The following BCL7C variants were observed in gnomAD, a reference collection of about 807,000 sequenced individuals.
The protein encoded by BCL7C is B-cell CLL/lymphoma 7 protein family member C.
In BCL7C, 8 loss-of-function variants were observed where a neutral mutation model predicts 26.2. That is an observed-to-expected ratio of 0.30 (90% confidence interval 0.18 to 0.55). The LOEUF (loss-of-function observed/expected upper bound fraction) is 0.55, where lower values mean the gene tolerates loss of function less well. Ranked by LOEUF, BCL7C falls within the 20% of genes least tolerant of loss-of-function variation. BCL7C has a pLI of 0.93. For missense variants in BCL7C, 262 were observed against 298.5 expected (o/e 0.88, Z 0.90); for synonymous variants, 90 against 116.5 (o/e 0.77, Z 1.47).
At chr16:30,859,764 C>G (rs375911135) in intron 5 of BCL7C, among the ~76,000 whole-genome samples, 17 of 152,348 alleles carry the variant, frequency 1.1e-4, no homozygotes, top group African/African-American at 4.1e-4. Flanking sequence ...ATAATCCCAC[C>G]ACCCTTTGCT....
In BCL7C at chr16:30,845,872, C is replaced by T. The variant is rs561784849; in HGVS notation, c.529-10724G>A. 3.3e-5 allele frequency among the ~76,000 whole-genome samples: 5 copies of T among 151,870 alleles called. No homozygotes were observed. In the East Asian group the frequency reaches 5.9e-4, roughly 18 times the overall value. ...CTATAATCCCAGCACTTTGGGAGGC[C>T]GAGACAGGCGGATCACAAGATCAGG... On this transcript the variant is annotated intron_variant, in intron 5 of 5. Coordinates refer to the BCL7C transcript ENST00000380317.
intron 5 of BCL7C, among the ~76,000 whole-genome samples, chr16:30,869,020 C>T (rs1009173782): frequency 1.3e-5 from 2 of 151,916 alleles, no homozygotes; most frequent in African/African-American, 4.8e-5. Flanking sequence ...GTTGGGATTA[C>T]AGGTGTGAGC....
chr16:30,886,114 A>G (rs1383237546), downstream of BCL7C, among the ~76,000 whole-genome samples: 1 of 152,210 alleles, frequency 6.6e-6, no homozygotes, highest in Non-Finnish European at 1.5e-5. Flanking sequence ...GCCTGGGATT[A>G]CAGGTGTGAG....
At chr16:30,853,550 T>G (rs895809141) in intron 5 of BCL7C, among the ~76,000 whole-genome samples, 1 of 152,124 alleles carries the variant, frequency 6.6e-6, no homozygotes, top group African/African-American at 2.4e-5. Flanking sequence ...TTCTTTCTTT[T>G]ATTTTAATCA....
chr16:30,892,974 A>C, intron 2 of BCL7C, 26 bp from the exon 3 acceptor site: 1 of 1,595,080 alleles, frequency 6.3e-7, no homozygotes, highest in Non-Finnish European at 8.6e-7. Context: ...TTAGGGTCAG[A>C]GCTCTTGGAA....
At chr16:30,853,624 A>G (rs956513947) in intron 5 of BCL7C, among the ~76,000 whole-genome samples, 2 of 152,238 alleles carry the variant, frequency 1.3e-5, no homozygotes, top group East Asian at 3.8e-4. Flanking sequence ...ACCGTTCAGT[A>G]TGGGGGTCCG....
At chr16:30,855,425 T>C (rs1452230051) in intron 5 of BCL7C, among the ~76,000 whole-genome samples, 1 of 151,938 alleles carries the variant, frequency 6.6e-6, no homozygotes, top group Non-Finnish European at 1.5e-5. Context: ...GTATTTTTCA[T>C]AGAGATGGGG....
intron 5 of BCL7C, among the ~76,000 whole-genome samples, chr16:30,856,895 C>T (rs112691371): frequency 0.068 from 10,329 of 152,244 alleles, 467 homozygotes; most frequent in Non-Finnish European, 0.11. Flanking sequence ...TATGTCAGAG[C>T]TTTGCTCTCT....
At chr16:30,862,921 C>G (rs2151373327) in intron 5 of BCL7C, among the ~76,000 whole-genome samples, 1 of 152,324 alleles carries the variant, frequency 6.6e-6, no homozygotes, top group East Asian at 1.9e-4. Flanking sequence ...CACACTAGCT[C>G]TCCCTAATTC....
chr16:30,887,757 C>T (rs764260811), downstream of BCL7C: 56 of 1,470,736 alleles, frequency 3.8e-5, no homozygotes, highest in Admixed American at 5.1e-5. Context: ...CTCCAAAGAC[C>T]CTCCCCAGCC....
chr16:30,845,415 A>G (rs1260664182), intron 5 of BCL7C, among the ~76,000 whole-genome samples: 1 of 152,168 alleles, frequency 6.6e-6, no homozygotes, highest in Non-Finnish European at 1.5e-5. Context: ...CTGACTCTCT[A>G]CAGTGCTTGA....
chr16:30,857,545 G>A (rs2054733677), intron 5 of BCL7C, among the ~76,000 whole-genome samples: 1 of 152,130 alleles, frequency 6.6e-6, no homozygotes, highest in South Asian at 2.1e-4. Context: ...GTTCTCACAG[G>A]TCTCTTAGTT....
rs778394196 is a variant in BCL7C, at chr16:30,893,187, C to T, written c.171+25G>A. On this transcript the variant is annotated intron_variant, in intron 2 of 5. Coordinates refer to ENST00000215115, the MANE Select transcript of BCL7C (RefSeq NM_004765.4). The surrounding 1 kb of genome is among the most constrained non-coding windows in gnomAD (Gnocchi z 5.2). Reference sequence around the variant, plus strand: ...TGCCTGAGGTTGCACAGATGCAGGGCCTTGTGGGAATGGGGGTTGCTCACC... The same window carrying T: ...TGCCTGAGGTTGCACAGATGCAGGGTCTTGTGGGAATGGGGGTTGCTCACC... 6 of 1,607,466 alleles carry T rather than the reference C, an allele frequency of 3.7e-6. No individual in the cohort carries two copies. The African/African-American group carries it at 6.7e-5, about 18-fold the overall frequency.
chr16:30,873,347 A>T (rs918515084), intron 5 of BCL7C, among the ~76,000 whole-genome samples: 1 of 152,204 alleles, frequency 6.6e-6, no homozygotes, highest in Non-Finnish European at 1.5e-5. Context: ...GTAGATTTGC[A>T]GTAGTCTAGA....
chr16:30,872,370 C>T (rs2054889154), intron 5 of BCL7C, among the ~76,000 whole-genome samples: 1 of 152,042 alleles, frequency 6.6e-6, no homozygotes, highest in South Asian at 2.1e-4. Context: ...TGGAATAGGG[C>T]AGAAGTCATG....
At chr16:30,886,310 G>A (rs1317471581), downstream of BCL7C, among the ~76,000 whole-genome samples, 2 of 152,176 alleles carry the variant, frequency 1.3e-5, no homozygotes, top group Non-Finnish European at 2.9e-5. Flanking sequence ...ATGAGGCCTA[G>A]TTATTGTTCC....
intron 4 of BCL7C, among the ~76,000 whole-genome samples, chr16:30,889,347 G>C (rs1471966915): frequency 1.3e-5 from 2 of 152,116 alleles, no homozygotes; most frequent in African/African-American, 2.4e-5. Context: ...GCGGATGCAG[G>C]TAAAGCACAG....
downstream of BCL7C, among the ~76,000 whole-genome samples, chr16:30,885,811 T>C (rs1490825442): frequency 1.3e-5 from 2 of 152,166 alleles, no homozygotes; most frequent in Non-Finnish European, 2.9e-5. Context: ...CAGCACTGGC[T>C]CCACCAACAC....
At chr16:30,839,466 A>C (rs1422038514) in intron 5 of BCL7C, among the ~76,000 whole-genome samples, 13 of 152,244 alleles carry the variant, frequency 8.5e-5, no homozygotes. Context: ...TGTAATTAAA[A>C]TTCCAAGTCA....
Sources: allele counts gnomAD v4.1 joint callset (sites outside exome capture counted in the v4.1 genomes callset), GRCh38; gene constraint gnomAD v4.1.1; non-coding constraint Gnocchi (gnomAD v3.1); transcripts MANE v1.5; gene names NCBI Gene and HGNC (gene_info 2026-07-23, HGNC 2026-07-21).